CCDC192: variants seen among roughly 807,000 people sequenced by gnomAD.
CCDC192 encodes coiled-coil domain-containing protein 192.
At chr5:127,778,634 T>G (rs1349940522) in intron 3 of CCDC192, among the ~76,000 whole-genome samples, 1 of 152,242 alleles carries the variant, frequency 6.6e-6, no homozygotes, top group Non-Finnish European at 1.5e-5. Context: ...TTTCCTTATC[T>G]TCTGTATTTT....
In CCDC192 at chr5:127,850,010, A is replaced by G. The variant is rs561756256; in HGVS notation, c.412-25528A>G. On this transcript the variant is annotated intron_variant, in intron 5 of 6. Transcript: ENST00000514853. ...AGAGGGTTTATCTGCTTTTTCTGAT[A>G]ACATCTGCTAACTGACTGTAAAGCA... is the stretch of plus-strand genomic sequence containing the variant. 1.1e-4 allele frequency among the ~76,000 whole-genome samples: 17 copies of G among 152,358 alleles called. 2 individuals carry two copies. In the South Asian group the frequency reaches 3.5e-3, roughly 32 times the overall value.
intron 5 of CCDC192, among the ~76,000 whole-genome samples, chr5:127,849,529 G>A (rs143255096): frequency 1.9e-3 from 296 of 152,226 alleles, no homozygotes; most frequent in African/African-American, 6.5e-3. Flanking sequence ...TGATTTCGTC[G>A]GCCCTGAGAG....
chr5:127,739,804 G>A lies in CCDC192; in HGVS notation c.115-14464G>A, dbSNP rs376150200. ...CTGCTTCGGCTCGCGCATGGTGTGCGCACCCACTGACCTGCGCCCACTGTC... is the reference window on the plus strand; with the variant it reads ...CTGCTTCGGCTCGCGCATGGTGTGCACACCCACTGACCTGCGCCCACTGTC... On this transcript the variant is annotated intron_variant, in intron 2 of 6. Transcript: ENST00000514853. 5.9e-4 allele frequency: 90 copies of A among 153,192 alleles called. No homozygotes were observed. In the South Asian group the frequency reaches 0.018, roughly 30 times the overall value. 9.5% of individuals were successfully genotyped at this position (153,192 alleles called of 1,614,324 possible).
intron 5 of CCDC192, chr5:127,838,737 G>C (rs1056790750): frequency 6.6e-6 from 1 of 152,210 alleles, no homozygotes; most frequent in Admixed American, 6.5e-5. Context: ...CGCTAAAAAT[G>C]TACACATCAG....
chr5:127,886,568 TCTTC>T (rs1752566853), intron 6 of CCDC192, among the ~76,000 whole-genome samples: 1 of 152,220 alleles, frequency 6.6e-6, no homozygotes, highest in Non-Finnish European at 1.5e-5. Flanking sequence ...ATATGTTTTC[TCTTC>T]CTTATGATTT....
chr5:127,836,213 A>G (rs910429569), intron 5 of CCDC192, among the ~76,000 whole-genome samples: 4 of 152,226 alleles, frequency 2.6e-5, no homozygotes, highest in Non-Finnish European at 5.9e-5. Flanking sequence ...TTAAAGCTCC[A>G]AAATGATCTT....
intron 3 of CCDC192, among the ~76,000 whole-genome samples, chr5:127,772,700 G>A (rs1451130250): frequency 2.0e-5 from 3 of 152,148 alleles, no homozygotes; most frequent in Non-Finnish European, 4.4e-5. Context: ...ACCCGTGTCA[G>A]AAATGATCTC....
intron 6 of CCDC192, among the ~76,000 whole-genome samples, chr5:127,913,154 G>T (rs1472863243): frequency 6.6e-6 from 1 of 152,202 alleles, no homozygotes; most frequent in African/African-American, 2.4e-5. Flanking sequence ...GCTGTGACCT[G>T]GGGTAATTCT....
chr5:127,717,954 GAACAA>G (rs1030106577), intron 2 of CCDC192, among the ~76,000 whole-genome samples: 1 of 125,776 alleles, frequency 8.0e-6, no homozygotes, highest in African/African-American at 2.9e-5. Flanking sequence ...AAGAAAACAA[GAACAA>G]AACAAAACAA....
At chr5:127,717,590 C>A (rs893585827) in intron 2 of CCDC192, among the ~76,000 whole-genome samples, 6 of 152,002 alleles carry the variant, frequency 3.9e-5, no homozygotes, top group Admixed American at 2.0e-4. Context: ...CTGCAATTGA[C>A]TAAATTCTTA....
intron 6 of CCDC192, among the ~76,000 whole-genome samples, chr5:127,918,167 G>A (rs1258139232): frequency 2.0e-5 from 3 of 146,994 alleles, no homozygotes; most frequent in African/African-American, 7.9e-5. Flanking sequence ...CAAACTCAAT[G>A]GCATTGGTAT....
At chr5:127,866,418 A>G (rs193247957) in intron 5 of CCDC192, among the ~76,000 whole-genome samples, 155 of 149,858 alleles carry the variant, frequency 1.0e-3, no homozygotes, top group African/African-American at 3.7e-3. Context: ...CTTAGGAAAA[A>G]ACTTAGCTTG....
chr5:127,790,345 A>G (rs1328285178), intron 3 of CCDC192, among the ~76,000 whole-genome samples: 2 of 152,166 alleles, frequency 1.3e-5, no homozygotes, highest in Non-Finnish European at 2.9e-5. Flanking sequence ...CTGATATATC[A>G]TAGTTGTACA....
chr5:127,902,012 T>A (rs1268886006), intron 6 of CCDC192, among the ~76,000 whole-genome samples: 2 of 152,228 alleles, frequency 1.3e-5, no homozygotes, highest in Non-Finnish European at 2.9e-5. Context: ...GGCTCACGCC[T>A]GTAATCCCAG....
intron 3 of CCDC192, among the ~76,000 whole-genome samples, chr5:127,791,482 A>G (rs923364200): frequency 6.9e-4 from 105 of 152,250 alleles, no homozygotes; most frequent in African/African-American, 2.5e-3. Flanking sequence ...ACTGGCAAGA[A>G]CTGTCAGAAT....
intron 5 of CCDC192, among the ~76,000 whole-genome samples, chr5:127,823,363 C>T (rs977974517): frequency 6.6e-6 from 1 of 152,128 alleles, no homozygotes; most frequent in Non-Finnish European, 1.5e-5. Context: ...TTGTTGAGTG[C>T]CAGGTTGATC....
intron 3 of CCDC192, among the ~76,000 whole-genome samples, chr5:127,792,486 A>G (rs1211799844): frequency 6.6e-6 from 1 of 151,192 alleles, no homozygotes; most frequent in Non-Finnish European, 1.5e-5. Context: ...ATTTAAGATG[A>G]GATTTGGGTG....
At chr5:127,715,568 CT>C (rs1751581248) in intron 2 of CCDC192, among the ~76,000 whole-genome samples, 1 of 152,124 alleles carries the variant, frequency 6.6e-6, no homozygotes, top group South Asian at 2.1e-4. Flanking sequence ...TGTTTGGAGT[CT>C]TTTGTGGTTC....
chr5:127,772,320 C>T (rs1489580943), intron 3 of CCDC192, among the ~76,000 whole-genome samples: 3 of 151,916 alleles, frequency 2.0e-5, no homozygotes, highest in Non-Finnish European at 2.9e-5. Flanking sequence ...ATTAGCCAGG[C>T]GTGGTGGCGT....
Sources: allele counts gnomAD v4.1 joint callset (sites outside exome capture counted in the v4.1 genomes callset), GRCh38; gene constraint gnomAD v4.1.1; transcripts MANE v1.5; gene names NCBI Gene and HGNC (gene_info 2026-07-23, HGNC 2026-07-21).